APP: variants seen among roughly 807,000 people sequenced by gnomAD.
APP encodes amyloid-beta precursor protein.
A neutral mutation model predicts 101.4 loss-of-function variants in APP; 31 were observed. The ratio of observed to expected loss-of-function variants is 0.31; its 90% confidence interval spans 0.23 to 0.41. The LOEUF is 0.41. Among genes scored for constraint, APP ranks in the 10% least tolerant of loss-of-function variants. APP has a pLI of 1.00. For missense variants in APP, 839 were observed against 1,003.7 expected, an observed-to-expected ratio of 0.84 and a Z score of 2.22; for synonymous variants, 366 against 364.4, an observed-to-expected ratio of 1.00 and a Z score of -0.05.
chr21:25,929,604 C>A (rs1223906525), intron 13 of APP, among the ~76,000 whole-genome samples: 2 of 152,052 alleles, frequency 1.3e-5, no homozygotes, highest in East Asian at 1.9e-4. Context: ...CAGTTTGTTT[C>A]TCCTTCTAAG....
intron 14 of APP, among the ~76,000 whole-genome samples, chr21:25,909,799 A>T (rs2038979913): frequency 6.6e-6 from 1 of 152,226 alleles, no homozygotes; most frequent in African/African-American, 2.4e-5. Flanking sequence ...ATCTGCACTC[A>T]ATACATTTAA....
intron 5 of APP, among the ~76,000 whole-genome samples, chr21:26,025,535 T>C (rs1334446239): frequency 6.6e-6 from 1 of 152,210 alleles, no homozygotes; most frequent in African/African-American, 2.4e-5. Context: ...TGACCCTGGG[T>C]ATCCCCAGGT....
At chr21:26,064,947 G>A (rs759701864) in intron 3 of APP, among the ~76,000 whole-genome samples, 2 of 152,148 alleles carry the variant, frequency 1.3e-5, no homozygotes, top group Non-Finnish European at 2.9e-5. Context: ...TCCACCTCCC[G>A]GGTTCAAGCA....
intron 6 of APP, among the ~76,000 whole-genome samples, chr21:26,010,620 G>C (rs532514628): frequency 7.3e-5 from 11 of 151,544 alleles, no homozygotes; most frequent in Non-Finnish European, 1.5e-4. Flanking sequence ...GATCAGCCTG[G>C]CTAACATGGT....
intron 1 of APP, among the ~76,000 whole-genome samples, chr21:26,132,606 T>C (rs1263992466): frequency 1.3e-5 from 2 of 152,230 alleles, no homozygotes; most frequent in African/African-American, 4.8e-5. Flanking sequence ...GCTTTATTAC[T>C]TGGATATCTG....
chr21:25,950,163 A>G (rs889897153), intron 13 of APP, among the ~76,000 whole-genome samples: 1 of 152,124 alleles, frequency 6.6e-6, no homozygotes, highest in East Asian at 1.9e-4. Context: ...GCGGTCCTGT[A>G]CCTCAACGGG....
intron 14 of APP, among the ~76,000 whole-genome samples, chr21:25,908,428 A>G (rs983635461): frequency 7.2e-5 from 11 of 152,250 alleles, no homozygotes; most frequent in Non-Finnish European, 5.9e-5. Context: ...GACTGCATGA[A>G]GAACAAAAGG....
chr21:26,125,332 T>C (rs2062659420), intron 1 of APP, among the ~76,000 whole-genome samples: 1 of 152,222 alleles, frequency 6.6e-6, no homozygotes, highest in Admixed American at 6.5e-5. Context: ...AGGGCTCTGT[T>C]GATTGGTATA....
At chr21:26,022,517 A>G (rs1009343420) in intron 5 of APP, among the ~76,000 whole-genome samples, 4 of 152,290 alleles carry the variant, frequency 2.6e-5, no homozygotes, top group Middle Eastern at 6.8e-3. Flanking sequence ...ATAATAGTGT[A>G]TCGATATTGG....
intron 5 of APP, among the ~76,000 whole-genome samples, chr21:26,048,375 T>G (rs554456672): frequency 1.3e-5 from 2 of 152,044 alleles, no homozygotes; most frequent in Non-Finnish European, 2.9e-5. Context: ...TATTAGACAG[T>G]TCTTTGCTAA....
At chr21:25,946,190 T>C (rs1183398400) in intron 13 of APP, among the ~76,000 whole-genome samples, 1 of 152,176 alleles carries the variant, frequency 6.6e-6, no homozygotes. Context: ...TACCATACCA[T>C]AGTAACTGCC....
At chr21:26,104,415 C>T (rs1031185292) in intron 2 of APP, among the ~76,000 whole-genome samples, 2 of 152,086 alleles carry the variant, frequency 1.3e-5, no homozygotes, top group Non-Finnish European at 2.9e-5. Flanking sequence ...AAAACTATTA[C>T]GATTGGGAAA....
chr21:25,961,371 T>G (rs1223678948), intron 11 of APP, among the ~76,000 whole-genome samples: 1 of 152,200 alleles, frequency 6.6e-6, no homozygotes, highest in East Asian at 1.9e-4. Flanking sequence ...GTGTCACAGG[T>G]GCATCCTCAA....
At chr21:25,962,324 A>T (rs2041616564) in intron 11 of APP, among the ~76,000 whole-genome samples, 1 of 152,204 alleles carries the variant, frequency 6.6e-6, no homozygotes. Flanking sequence ...CATAAGATTT[A>T]CATTTTAGAA....
chr21:25,970,334 C>G (rs986911338), intron 11 of APP, among the ~76,000 whole-genome samples: 6 of 152,112 alleles, frequency 3.9e-5, no homozygotes, highest in Non-Finnish European at 8.8e-5. Context: ...TTGTTAAAGC[C>G]TCCATTCAGC....
intron 6 of APP, among the ~76,000 whole-genome samples, chr21:26,005,713 A>C (rs1436375155): frequency 6.6e-6 from 1 of 152,198 alleles, no homozygotes; most frequent in Non-Finnish European, 1.5e-5. Flanking sequence ...TTATGTTTAC[A>C]TTTTCTATTT....
At chr21:26,090,151 G>GTAA in intron 2 of APP, 79 bp from the exon 3 acceptor site, 2 of 1,587,804 alleles carry the variant, frequency 1.3e-6, no homozygotes, top group Non-Finnish European at 8.6e-7. Context: ...AGCCTCCACT[G>GTAA]TAAGGTACAG....
chr21:25,964,750 G>A (rs1256294780), intron 11 of APP, among the ~76,000 whole-genome samples: 2 of 151,796 alleles, frequency 1.3e-5, no homozygotes, highest in South Asian at 4.2e-4. Context: ...ACAGGCATGC[G>A]CCACCATGCC....
Position 26,020,464 on chromosome 21 carries a change from A to G in APP, c.865+1376T>C, listed in dbSNP as rs1293133323. On this transcript the variant is annotated intron_variant, in intron 6 of 17. Transcript: ENST00000346798. ...ACCTTAATAAGGTAAAAAATGCAAC[A>G]AAGGGAAGAAAATACTATAGTGACA... Among the ~76,000 whole-genome samples, 4 of 152,350 alleles carry G rather than the reference A, an allele frequency of 2.6e-5. No homozygotes were observed. The South Asian group carries it at 8.3e-4, about 32-fold the overall frequency.
Sources: gnomAD v4.1 joint callset for allele counts (sites outside exome capture counted in the v4.1 genomes callset) on GRCh38, gnomAD v4.1.1 for gene constraint, MANE v1.5 for transcripts, NCBI Gene and HGNC (gene_info 2026-07-23, HGNC 2026-07-21) for gene names.